Variants in WNK3 observed in about 807,000 individuals in gnomAD.
WNK3 encodes serine/threonine-protein kinase WNK3.
Under a neutral mutation model 116.7 loss-of-function variants are expected in WNK3, and 18 were observed. The ratio of observed to expected loss-of-function variants is 0.15; its 90% confidence interval spans 0.11 to 0.23. WNK3 has a LOEUF of 0.23. Ranked by LOEUF, WNK3 falls within the 10% of genes least tolerant of loss-of-function variation. The pLI is 1.00. For missense variants in WNK3, 993 were observed against 1,323.8 expected, an observed-to-expected ratio of 0.75 and a Z score of 3.88; for synonymous variants, 404 against 469.4, an observed-to-expected ratio of 0.86 and a Z score of 1.80.
At chrX:54,288,040 G>A (rs1422272007) in intron 10 of WNK3, among the ~76,000 whole-genome samples, 2 of 111,863 alleles carry the variant, frequency 1.8e-5, no homozygotes, top group Non-Finnish European at 3.8e-5. Context: ...TAGAGGGTCT[G>A]CTGTTGTAAT....
chrX:54,288,750 T>C (rs2068607362), intron 10 of WNK3, among the ~76,000 whole-genome samples: 1 of 111,391 alleles, frequency 9.0e-6, no homozygotes, highest in South Asian at 3.8e-4. Context: ...CTCAGTAGAA[T>C]GTGTCTGTGT....
chrX:54,259,335 C>T, exon 11 of WNK3: 1 of 1,186,107 alleles, frequency 8.4e-7, no homozygotes, highest in Non-Finnish European at 1.1e-6. Context: ...GGTTGGGATA[C>T]AGGCTGTAAA....
At chrX:54,207,674 C>T (rs782242264) in intron 22 of WNK3, among the ~76,000 whole-genome samples, 2 of 109,180 alleles carry the variant, frequency 1.8e-5, no homozygotes, top group Non-Finnish European at 3.8e-5. Context: ...CCACCACACC[C>T]GGCTATCCTT....
intron 2 of WNK3, among the ~76,000 whole-genome samples, chrX:54,328,694 T>C (rs1183610678): frequency 8.9e-6 from 1 of 112,349 alleles, no homozygotes; most frequent in Admixed American, 9.5e-5. Context: ...AACAGAAAAT[T>C]ACAATTGTTG....
rs1233218547 is a variant in WNK3 at position 54,228,750 on chromosome X, T to C, written c.4841-7A>G. On this transcript the variant is annotated splice_region_variant and splice_polypyrimidine_tract_variant and intron_variant, in intron 21 of 23. Coordinates refer to ENST00000354646, the Ensembl canonical transcript of WNK3. ...TTTATAAGGCAGCTTTTCCCTGATA[T>C]CAAACCAGAAAAAGATAGTATCAAA... 6.2e-6 allele frequency: 3 copies of C among 482,678 alleles called. No individual in the cohort carries two copies. Among genetic ancestry groups the C allele is most frequent in the Non-Finnish European group, 1.1e-5 (3 of 266,810 alleles). 39.8% of individuals were successfully genotyped at this position (482,678 alleles called of 1,213,427 possible).
chrX:54,259,731 G>A (rs2068236346), intron 10 of WNK3, among the ~76,000 whole-genome samples: 2 of 111,344 alleles, frequency 1.8e-5, no homozygotes, highest in Non-Finnish European at 3.8e-5. Context: ...TTATTGTGTA[G>A]TCTGTCTGTC....
At chrX:54,257,555 G>C (rs922653241) in intron 11 of WNK3, among the ~76,000 whole-genome samples, 2 of 110,448 alleles carry the variant, frequency 1.8e-5, no homozygotes, top group Non-Finnish European at 3.8e-5. Flanking sequence ...AGCACTTTGA[G>C]AGGCTGAGGT....
At chrX:54,311,504 T>G (rs1378147503) in intron 2 of WNK3, among the ~76,000 whole-genome samples, 2 of 112,050 alleles carry the variant, frequency 1.8e-5, no homozygotes, top group Admixed American at 1.9e-4. Flanking sequence ...CACTATTATA[T>G]TTCATAAGTA....
chrX:54,261,852 T>C (rs1464003112), intron 10 of WNK3, among the ~76,000 whole-genome samples: 1 of 111,956 alleles, frequency 8.9e-6, no homozygotes, highest in Non-Finnish European at 1.9e-5. Flanking sequence ...GGAACATTCT[T>C]GTAGCCAAAT....
chrX:54,206,300 G>A (rs1557142689), intron 22 of WNK3, among the ~76,000 whole-genome samples: 1 of 110,805 alleles, frequency 9.0e-6, no homozygotes, highest in African/African-American at 3.3e-5. Context: ...TAAGGTGGGA[G>A]GCTTGATTGA....
chrX:54,320,220 TTCCTGAGAC>T (rs1557171880), intron 2 of WNK3, among the ~76,000 whole-genome samples: 1 of 111,777 alleles, frequency 8.9e-6, no homozygotes, highest in Non-Finnish European at 1.9e-5. Context: ...CACAAAACCT[TTCCTGAGAC>T]ATGGCACAAT....
intron 13 of WNK3, among the ~76,000 whole-genome samples, chrX:54,252,065 CAA>C (rs782229094): frequency 2.3e-4 from 7 of 29,903 alleles, no homozygotes; most frequent in Non-Finnish European, 4.6e-4. Flanking sequence ...AACTCTGTCT[CAA>C]AAAAAAAAAA....
At chrX:54,202,655 C>T (rs903634321) in intron 22 of WNK3, among the ~76,000 whole-genome samples, 19 of 106,807 alleles carry the variant, frequency 1.8e-4, no homozygotes, top group Admixed American at 1.7e-3. Flanking sequence ...CACACCATTG[C>T]ACTCCAGCCT....
chrX:54,234,270 G>A (rs1267742954), intron 20 of WNK3, among the ~76,000 whole-genome samples: 2 of 110,202 alleles, frequency 1.8e-5, no homozygotes, highest in Non-Finnish European at 3.8e-5. Flanking sequence ...TACTTGGGAA[G>A]CTGAGGTGGG....
chrX:54,313,775 C>T (rs781819608), intron 2 of WNK3, among the ~76,000 whole-genome samples: 134 of 112,115 alleles, frequency 1.2e-3, no homozygotes, highest in African/African-American at 3.9e-3. Context: ...GGTTATTTAG[C>T]CAAAATGTTG....
intron 7 of WNK3, among the ~76,000 whole-genome samples, chrX:54,296,240 G>A (rs959239553): frequency 1.8e-5 from 2 of 111,392 alleles, no homozygotes; most frequent in Non-Finnish European, 3.8e-5. Flanking sequence ...TCTCAGTCCT[G>A]CAATCTGCTT....
rs1603379354 is a variant in WNK3, at chrX:54,239,113, A to G, written c.3652-14T>C. 1 of 566,824 alleles carries G rather than the reference A, an allele frequency of 1.8e-6. No individual in the cohort carries two copies. The highest frequency in any genetic ancestry group is 2.3e-6 in the Non-Finnish European group (1 of 432,590). 46.7% of individuals were successfully genotyped at this position (566,824 alleles called of 1,213,427 possible). A position where few individuals can be genotyped will look rare whatever the true frequency, so the allele number is the denominator to read the frequency against. ...TGAGGACATCTCCTAATGGAGACAA[A>G]ACAAAACAAAACAAAACAAAACAAA... On this transcript the variant is annotated splice_polypyrimidine_tract_variant and intron_variant, in intron 17 of 23. Transcript: ENST00000354646.
intron 4 of WNK3, 124 bp downstream of exon 4, chrX:54,308,971 T>C: frequency 5.5e-6 from 3 of 542,153 alleles, no homozygotes; most frequent in Non-Finnish European, 8.9e-6. Flanking sequence ...TAAAATTCGA[T>C]TTACAAAAAC....
At chrX:54,292,706 C>CAA (rs1180750751) in intron 10 of WNK3, among the ~76,000 whole-genome samples, 182 bp downstream of exon 10, 306 of 22,336 alleles carry the variant, frequency 0.014, 6 homozygotes, top group African/African-American at 0.044. Flanking sequence ...CACTCCACCT[C>CAA]AAAAAAAAAA....
Sources: allele counts gnomAD v4.1 joint callset (sites outside exome capture counted in the v4.1 genomes callset), GRCh38; gene constraint gnomAD v4.1.1; transcripts MANE v1.5; gene names NCBI Gene and HGNC (gene_info 2026-07-23, HGNC 2026-07-21).